INTS1: variants seen among roughly 807,000 people sequenced by gnomAD.
INTS1 encodes integrator complex subunit 1.
In INTS1, 137 loss-of-function variants were observed where a neutral mutation model predicts 241.6. The observed-to-expected ratio is 0.57, with a 90% CI of 0.49 to 0.65. The LOEUF is 0.65. Among genes scored for constraint, INTS1 ranks in the 30% least tolerant of loss-of-function variants. The pLI is 0.00. For missense variants in INTS1, 3,073 were observed against 3,032.2 expected (o/e 1.01, Z -0.32); for synonymous variants, 1,692 against 1,337.8 (o/e 1.26, Z -5.78).
In INTS1 at chr7:1,482,798, C is replaced by T. The variant is rs866220074; in HGVS notation, c.3542-91G>A. The T allele has an allele frequency of 2.7e-5, 40 of 1,470,494 alleles. No individual in the cohort carries two copies. In the African/African-American group the frequency reaches 3.8e-4, roughly 14 times the overall value. 91.1% of individuals were successfully genotyped at this position (1,470,494 alleles called of 1,614,324 possible). ...TGCCAAGGCTAGAGGCACCTCCTCT[C>T]CCGAGAAGGAAACTGAGACTTGGGA... On this transcript the variant is annotated intron_variant, in intron 26 of 47. Transcript: ENST00000404767.
In INTS1 at chr7:1,470,698, G is replaced by A; in HGVS notation, c.6458-6C>T. On this transcript the variant is annotated splice_polypyrimidine_tract_variant and splice_region_variant and intron_variant, in intron 47 of 47. Coordinates refer to ENST00000404767, the MANE Select transcript of INTS1 (RefSeq NM_001080453.3). ...GAGCAGCACAGCCGCGTGCTCTGTG[G>A]GGGAAACGGGGCCCTGCACGTCACG... 2.0e-6 allele frequency: 3 copies of A among 1,533,864 alleles called. No homozygotes were observed. The highest frequency in any genetic ancestry group is 4.8e-5 in the East Asian group (2 of 41,466).
In INTS1 at chr7:1,499,179, G is replaced by C; in HGVS notation, c.951-18C>G. 6.2e-7 allele frequency: 1 copy of C among 1,606,508 alleles called. No individual in the cohort carries two copies. Among genetic ancestry groups the C allele is most frequent in the Non-Finnish European group, 8.5e-7 (1 of 1,177,058 alleles). ...CTTCGTACCTAGGCCAGAGGAGGGA[G>C]CGAGGAGGGAGGAAGGTGGCCCCGA... is the stretch of plus-strand genomic sequence containing the variant. On this transcript the variant is annotated intron_variant, in intron 7 of 47. Transcript: ENST00000404767.
intron 38 of INTS1, 48 bp from the exon 39 acceptor site, chr7:1,476,119 C>A: frequency 6.5e-7 from 1 of 1,528,278 alleles, no homozygotes; most frequent in Non-Finnish European, 8.8e-7. Context: ...GCCCCAGTGA[C>A]AGGGGTGGGT....
At chr7:1,473,541 T>C (rs1317362084) in intron 42 of INTS1, 25 bp downstream of exon 42, 2 of 1,570,498 alleles carry the variant, frequency 1.3e-6, no homozygotes, top group African/African-American at 1.4e-5. Context: ...GGCCCGAGGC[T>C]TCCCTGCAGC....
rs766567954 is a variant in INTS1, at chr7:1,474,333, C to T, written c.5664G>A (p.Leu1888=). The part of the protein sequence containing the change: ...LRHLPMIAAL[L]HGRTHLNFQE... ...GGAAGTTGAGGTGGGTGCGGCCGTG[C>T]AGGAGCGCCGCGATCATGGGCAGGT... is the stretch of plus-strand genomic sequence containing the variant. Residue 1888 remains leucine, a synonymous_variant, in exon 41 of 48, where the codon CTG becomes CTA. Coordinates refer to ENST00000404767, the MANE Select transcript of INTS1 (RefSeq NM_001080453.3). The T allele has an allele frequency of 6.2e-7, 1 of 1,603,426 alleles. No homozygotes were observed. The highest frequency in any genetic ancestry group is 8.5e-7 in the Non-Finnish European group (1 of 1,176,598).
chr7:1,503,124 C>G lies in INTS1; in HGVS notation c.126G>C (p.Ala42=). Residue 42 remains alanine (A), a synonymous_variant, in exon 3 of 48, where the codon GCG becomes GCC. Transcript: ENST00000404767. The part of the protein sequence containing the change: ...SKGQANESKT[A]STLLKPAPSG... ...AAGGGGCTGGCTTCAGCAGGGTGGA[C>G]GCCGTTTTCGATTCATTGGCCTGAC... The G allele has an allele frequency of 6.3e-7, 1 of 1,597,580 alleles. No homozygotes were observed. The highest frequency in any genetic ancestry group is 8.6e-7 in the Non-Finnish European group (1 of 1,169,188).
Position 1,493,410 on chromosome 7 carries a change from C to T in INTS1, c.2069-304G>A, listed in dbSNP as rs1782681241. On this transcript the variant is annotated intron_variant, in intron 15 of 47. Transcript: ENST00000404767. The surrounding 1 kb of genome is among the most constrained non-coding windows in gnomAD (Gnocchi z 5.3). ...CCCGCAAGCCCTCGGGGCAGAGCCA[C>T]GGACGAGGCGCGAGCTGGATTTACA... is the stretch of plus-strand genomic sequence containing the variant. 2.6e-5 allele frequency among the ~76,000 whole-genome samples: 4 copies of T among 152,068 alleles called. No homozygotes were observed. The highest frequency in any genetic ancestry group is 7.2e-5 in the African/African-American group (3 of 41,388).
intron 3 of INTS1, chr7:1,501,294 T>C (rs10262344): frequency 2.5e-5 from 1 of 39,356 alleles, no homozygotes; most frequent in African/African-American, 2.3e-4. Flanking sequence ...CAAAAAAAAA[T>C]AAATAAATAA....
At chr7:1,484,429 C>T (rs889756943) in intron 24 of INTS1, among the ~76,000 whole-genome samples, 1 of 152,218 alleles carries the variant, frequency 6.6e-6, no homozygotes, top group Non-Finnish European at 1.5e-5. Flanking sequence ...CTCTGCCCGG[C>T]AGCCACCATC....
chr7:1,470,467 C>A lies in INTS1; in HGVS notation c.*110G>T, dbSNP rs927868988. The A allele has an allele frequency of 7.2e-6, 6 of 836,552 alleles. No individual in the cohort carries two copies. The highest frequency in any genetic ancestry group is 5.3e-6 in the Non-Finnish European group (3 of 564,818). The allele number at this position is 836,552 out of a possible 1,614,324, so 51.8% of individuals were successfully genotyped here. A position where few individuals can be genotyped will look rare whatever the true frequency, so the allele number is the denominator to read the frequency against. ...GCCTGCCTGGCCTCAGGGCTCGGCG[C>A]CCTCACCTCCTCGGACAGACCAGCA... On this transcript the variant is annotated 3_prime_UTR_variant, in exon 48 of 48. Coordinates refer to ENST00000404767, the MANE Select transcript of INTS1 (RefSeq NM_001080453.3).
rs1039279872 is a variant in INTS1, at chr7:1,493,101, C to G, written c.2074G>C (p.Glu692Gln). ...TGGGTCCTCCCCACCTTCAGCACCTCCACATCTAAGACCAAGAGCCACACA... is the reference window on the plus strand; with the variant it reads ...TGGGTCCTCCCCACCTTCAGCACCTGCACATCTAAGACCAAGAGCCACACA... ...RAAAVQADDV[E>Q]VLKVGRTQLI... Residue 692 changes from glutamate (E) to glutamine (Q), a missense_variant, in exon 16 of 48, where the codon GAG becomes CAG. Physicochemically the swap from Glu to Gln is conservative, Grantham distance 29 (BLOSUM62 2). Transcript: ENST00000404767. The surrounding 1 kb of genome is among the most constrained non-coding windows in gnomAD (Gnocchi z 5.3). 1.2e-6 allele frequency: 2 copies of G among 1,612,954 alleles called. No homozygotes were observed. Among genetic ancestry groups the G allele is most frequent in the Non-Finnish European group, 1.7e-6 (2 of 1,179,186 alleles).
In INTS1 at chr7:1,478,435, C is replaced by G; in HGVS notation, c.4561G>C (p.Val1521Leu). ...RQDLEVVSST[V>L]RAVIATLRSG... ...CTCAGGGTGGCGATGACGGCACGGACGGTGGAGCTGACCACCTCCAGGTCC... is the reference window on the plus strand; with the variant it reads ...CTCAGGGTGGCGATGACGGCACGGAGGGTGGAGCTGACCACCTCCAGGTCC... Residue 1521 changes from valine to leucine, a missense_variant, in exon 33 of 48, where the codon GTC becomes CTC. By Grantham distance (32) the Val-to-Leu change is conservative (BLOSUM62 1). Coordinates refer to ENST00000404767, the MANE Select transcript of INTS1 (RefSeq NM_001080453.3). 1.2e-6 allele frequency: 2 copies of G among 1,612,576 alleles called. No individual in the cohort carries two copies. Among genetic ancestry groups the G allele is most frequent in the South Asian group, 2.2e-5 (2 of 91,068 alleles).
intron 17 of INTS1, 61 bp from the exon 18 acceptor site, chr7:1,489,465 C>G: frequency 6.4e-7 from 1 of 1,564,778 alleles, no homozygotes; most frequent in South Asian, 1.2e-5. Context: ...GTGTGACCCC[C>G]GCTTCTCCCA....
At position 1,479,549 on chromosome 7, in the gene INTS1, G is replaced by C; in HGVS notation, c.4210C>G (p.Arg1404Gly). Residue 1404 changes from arginine (R) to glycine (G), a missense_variant, in exon 31 of 48, where the codon CGT becomes GGT. Physicochemically the swap from Arg to Gly is moderately radical, Grantham distance 125. Transcript: ENST00000404767. ...GSPEVPGITV[R>G]VLQALATLLS... The stretch of plus-strand genomic sequence containing the variant: ...AGGGTGGCGAGGGCCTGCAGGACAC[G>C]CACCGTGATGCCCGGCACCTCGGGG... 1 of 1,555,518 alleles carries C rather than the reference G, an allele frequency of 6.4e-7. No individual in the cohort carries two copies.
Position 1,480,838 on chromosome 7 carries a change from G to C in INTS1, c.3946C>G (p.Arg1316Gly), listed in dbSNP as rs1422834231. 2 of 1,550,844 alleles carry C rather than the reference G, an allele frequency of 1.3e-6. No homozygotes were observed. Among genetic ancestry groups the C allele is most frequent in the Admixed American group, 1.9e-5 (1 of 51,324 alleles). Residue 1316 changes from arginine (R) to glycine (G), a missense_variant, in exon 29 of 48, where the codon CGA becomes GGA. Physicochemically the swap from Arg to Gly is moderately radical, Grantham distance 125. Transcript: ENST00000404767. The part of the protein sequence containing the change: ...SLLTASLPPR[R>G]DSTEAPKPKS... Reference sequence around the variant, plus strand: ...TGGCCCCACCCCTCCCCAGTACCTCGGCGGGGCGGCAGGGAGGCTGTGAGC... The same window carrying C: ...TGGCCCCACCCCTCCCCAGTACCTCCGCGGGGCGGCAGGGAGGCTGTGAGC...
At chr7:1,478,677 C>T (rs1222678770) in intron 32 of INTS1, 49 bp downstream of exon 32, 7 of 1,507,612 alleles carry the variant, frequency 4.6e-6, no homozygotes, top group African/African-American at 1.4e-5. Context: ...TCTGAGTGAG[C>T]CCCTGTCCAG....
At chr7:1,502,573 C>T (rs963632269) in intron 3 of INTS1, among the ~76,000 whole-genome samples, 1 of 152,190 alleles carries the variant, frequency 6.6e-6, no homozygotes, top group African/African-American at 2.4e-5. Flanking sequence ...GAACAGACAC[C>T]TGGGGTGTCG....
At chr7:1,498,941 C>CCCG in intron 8 of INTS1, 34 bp downstream of exon 8, 15 of 1,344,058 alleles carry the variant, frequency 1.1e-5, no homozygotes, top group Non-Finnish European at 1.5e-5. Flanking sequence ...CCCCCACCCC[C>CCCG]TGCCCCGCCC....
intron 42 of INTS1, 70 bp from the exon 43 acceptor site, chr7:1,473,254 C>G (rs1261806251): frequency 9.6e-6 from 11 of 1,144,516 alleles, no homozygotes; most frequent in Non-Finnish European, 1.4e-5. Flanking sequence ...AGGGGTCAAA[C>G]TAGGGTGGCA....
Sources: allele counts gnomAD v4.1 joint callset (sites outside exome capture counted in the v4.1 genomes callset), GRCh38; gene constraint gnomAD v4.1.1; non-coding constraint Gnocchi (gnomAD v3.1); transcripts MANE v1.5; gene names NCBI Gene and HGNC (gene_info 2026-07-23, HGNC 2026-07-21).